The following CNTN4 variants were observed in gnomAD, a reference collection of about 807,000 sequenced individuals.
CNTN4 encodes the protein contactin-4.
In CNTN4, 77 loss-of-function variants were observed where a neutral mutation model predicts 122.5. The ratio of observed to expected loss-of-function variants is 0.63; its 90% CI spans 0.52 to 0.76. CNTN4 has a LOEUF of 0.76. Among genes scored for constraint, CNTN4 ranks in the 30% least tolerant of loss-of-function variants. The probability of loss-of-function intolerance (pLI) is 0.00; values close to 1 mark genes in which losing one functional copy is unlikely to be tolerated. For missense variants in CNTN4, 1,256 were observed against 1,259.1 expected (o/e 1.00, Z 0.04); for synonymous variants, 512 against 447.0 (o/e 1.15, Z -1.83).
chr3:3,032,570 G>T lies in CNTN4; in HGVS notation c.1783+1595G>T, dbSNP rs115514888. On this transcript the variant is annotated intron_variant, in intron 16 of 24. Transcript: ENST00000418658. ...GCTTTTCTTGCACATTACAGAGGGGGAGGCAGGAATGTATTTCACCACCCT... is the reference window on the plus strand; with the variant it reads ...GCTTTTCTTGCACATTACAGAGGGGTAGGCAGGAATGTATTTCACCACCCT... Among the ~76,000 whole-genome samples the T allele has an allele frequency of 2.5e-3, 379 of 152,302 alleles. 1 individual carries two copies. The highest frequency in any genetic ancestry group is 8.2e-3 in the African/African-American group (342 of 41,560).
chr3:2,680,202 T>G (rs776082333), intron 4 of CNTN4, among the ~76,000 whole-genome samples: 1 of 152,132 alleles, frequency 6.6e-6, no homozygotes, highest in Non-Finnish European at 1.5e-5. Flanking sequence ...AATAGATACA[T>G]GAACCCATCT....
intron 4 of CNTN4, among the ~76,000 whole-genome samples, chr3:2,727,231 GC>G (rs2088293825): frequency 6.6e-6 from 1 of 152,138 alleles, no homozygotes; most frequent in African/African-American, 2.4e-5. Flanking sequence ...CACAAAACAT[GC>G]CCAGTGTTAC....
intron 4 of CNTN4, among the ~76,000 whole-genome samples, chr3:2,609,087 T>C (rs1576202274): frequency 6.6e-6 from 1 of 152,346 alleles, no homozygotes; most frequent in East Asian, 1.9e-4. Context: ...GAGGCTTTCT[T>C]AGAGAATAAA....
intron 4 of CNTN4, among the ~76,000 whole-genome samples, chr3:2,639,683 T>C (rs994250597): frequency 6.6e-6 from 1 of 152,230 alleles, no homozygotes; most frequent in African/African-American, 2.4e-5. Context: ...GAATTTTTCT[T>C]TGTCTGAAAT....
At chr3:2,500,821 A>G (rs1235265691) in intron 3 of CNTN4, among the ~76,000 whole-genome samples, 6 of 152,140 alleles carry the variant, frequency 3.9e-5, no homozygotes, top group Admixed American at 2.0e-4. Flanking sequence ...GTGCAGGCTA[A>G]TGAGTCTTTG....
At chr3:2,120,556 C>G (rs2033703243) in intron 2 of CNTN4, among the ~76,000 whole-genome samples, 1 of 151,244 alleles carries the variant, frequency 6.6e-6, no homozygotes, top group African/African-American at 2.4e-5. Context: ...GTGCACACCA[C>G]TATGCCCAGC....
intron 4 of CNTN4, among the ~76,000 whole-genome samples, chr3:2,622,763 T>A (rs931545537): frequency 2.6e-5 from 4 of 152,224 alleles, no homozygotes; most frequent in Admixed American, 1.3e-4. Context: ...TATATCCATT[T>A]ACAGATGAAG....
At chr3:2,369,728 C>T (rs2150641390) in intron 3 of CNTN4, among the ~76,000 whole-genome samples, 1 of 152,174 alleles carries the variant, frequency 6.6e-6, no homozygotes, top group Non-Finnish European at 1.5e-5. Flanking sequence ...TTCTCTGAAG[C>T]AGAGCCCTGC....
At position 2,435,654 on chromosome 3, in the gene CNTN4, C is replaced by T. The variant is rs2048233999; in HGVS notation, c.-89+96421C>T. Among the ~76,000 whole-genome samples the T allele has an allele frequency of 1.3e-5, 2 of 152,134 alleles. 1 individual carries two copies. Among genetic ancestry groups the T allele is most frequent in the African/African-American group, 4.8e-5 (2 of 41,438 alleles). On this transcript the variant is annotated intron_variant, in intron 3 of 24. Transcript: ENST00000418658. ...TTAGTTCTCCCAAAAAATGCTAATG[C>T]TGTTCTGTTAGTATTTTAGGTGCAT...
At chr3:2,615,053 C>G (rs2081653938) in intron 4 of CNTN4, among the ~76,000 whole-genome samples, 2 of 151,858 alleles carry the variant, frequency 1.3e-5, no homozygotes, top group African/African-American at 4.8e-5. Flanking sequence ...TCAAAGTTTC[C>G]CTAAAAGACA....
intron 3 of CNTN4, among the ~76,000 whole-genome samples, chr3:2,339,670 A>G (rs1000028367): frequency 6.6e-6 from 1 of 152,232 alleles, no homozygotes; most frequent in Admixed American, 6.5e-5. Context: ...TTGAAGGGAT[A>G]AAACATGAGA....
chr3:2,630,575 T>C (rs1223696146), intron 4 of CNTN4, among the ~76,000 whole-genome samples: 1 of 152,204 alleles, frequency 6.6e-6, no homozygotes, highest in African/African-American at 2.4e-5. Context: ...TCCCATTTCT[T>C]ATTAGTACAC....
At chr3:2,781,975 G>A (rs941233186) in intron 6 of CNTN4, among the ~76,000 whole-genome samples, 18 of 150,936 alleles carry the variant, frequency 1.2e-4, no homozygotes, top group Admixed American at 3.3e-4. Context: ...CCCCCGCCTC[G>A]GCCTCCCAAA....
chr3:2,297,923 G>A (rs1395353844), intron 2 of CNTN4, among the ~76,000 whole-genome samples: 1 of 152,050 alleles, frequency 6.6e-6, no homozygotes, highest in Non-Finnish European at 1.5e-5. Context: ...CTAGAGACAG[G>A]GTTTCACTAT....
At chr3:2,363,677 C>G (rs529142905) in intron 3 of CNTN4, among the ~76,000 whole-genome samples, 1 of 152,310 alleles carries the variant, frequency 6.6e-6, no homozygotes, top group African/African-American at 2.4e-5. Flanking sequence ...CACTCTGATA[C>G]TGTCTACAAA....
chr3:2,219,374 T>G (rs940861373), intron 2 of CNTN4, among the ~76,000 whole-genome samples: 2 of 152,236 alleles, frequency 1.3e-5, no homozygotes, highest in African/African-American at 4.8e-5. Flanking sequence ...AGATATTCTC[T>G]AAGTGAGTTT....
At chr3:2,185,884 T>C (rs901430543) in intron 2 of CNTN4, among the ~76,000 whole-genome samples, 1 of 152,168 alleles carries the variant, frequency 6.6e-6, no homozygotes, top group Admixed American at 6.6e-5. Context: ...TTATAACATA[T>C]CCTTGGAACC....
chr3:2,222,354 G>T (rs1240428657), intron 2 of CNTN4, among the ~76,000 whole-genome samples: 1 of 152,056 alleles, frequency 6.6e-6, no homozygotes, highest in Non-Finnish European at 1.5e-5. Flanking sequence ...AATCCATAGA[G>T]ACAGAAACTA....
chr3:2,741,056 A>G (rs1052179933), intron 5 of CNTN4, among the ~76,000 whole-genome samples: 1 of 152,192 alleles, frequency 6.6e-6, no homozygotes, highest in African/African-American at 2.4e-5. Context: ...TAGCCCATAT[A>G]TTAGGATTCT....
Sources: allele counts gnomAD v4.1 joint callset (sites outside exome capture counted in the v4.1 genomes callset), GRCh38; gene constraint gnomAD v4.1.1; transcripts MANE v1.5; gene names NCBI Gene and HGNC (gene_info 2026-07-23, HGNC 2026-07-21).